Variants in SESN1 observed in about 807,000 individuals in gnomAD.
SESN1 encodes sestrin 1.
In SESN1, 30 loss-of-function variants were observed where a neutral mutation model predicts 59.3. The observed-to-expected ratio is 0.51, with a 90% CI of 0.38 to 0.69. SESN1 has a LOEUF of 0.69. Ranked by LOEUF, SESN1 falls within the 30% of genes least tolerant of loss-of-function variation. The pLI is 0.00. For synonymous variants in SESN1, 197 were observed against 219.9 expected (o/e 0.90, Z 0.92); for missense variants, 566 against 673.0 (o/e 0.84, Z 1.76).
At chr6:109,051,308 T>C (rs1269390059) in intron 1 of SESN1, among the ~76,000 whole-genome samples, 2 of 150,896 alleles carry the variant, frequency 1.3e-5, no homozygotes, top group East Asian at 3.9e-4. Context: ...AAAAATTATT[T>C]ACCAAACATT....
chr6:109,080,187 G>T (rs1208051446), intron 1 of SESN1, among the ~76,000 whole-genome samples: 1 of 152,100 alleles, frequency 6.6e-6, no homozygotes, highest in Non-Finnish European at 1.5e-5. Flanking sequence ...CACTGCAAAC[G>T]TTAGGGTCTA....
At chr6:109,004,761 C>T (rs2114321345) in intron 1 of SESN1, among the ~76,000 whole-genome samples, 1 of 152,172 alleles carries the variant, frequency 6.6e-6, no homozygotes, top group African/African-American at 2.4e-5. Flanking sequence ...GCAAACAACA[C>T]AGTTCAAGGA....
chr6:109,018,620 T>G (rs989717718), intron 1 of SESN1, among the ~76,000 whole-genome samples: 4 of 152,234 alleles, frequency 2.6e-5, no homozygotes, highest in Non-Finnish European at 5.9e-5. Context: ...GTGGATATTG[T>G]ACATTTTGGT....
intron 9 of SESN1, among the ~76,000 whole-genome samples, chr6:108,988,113 A>AT (rs2128526580): frequency 6.6e-6 from 1 of 152,224 alleles, no homozygotes; most frequent in East Asian, 1.9e-4. Flanking sequence ...TTTTGGATAG[A>AT]TTGAGCTTTC....
chr6:109,037,204 T>C (rs1243208472), intron 1 of SESN1, among the ~76,000 whole-genome samples: 1 of 152,214 alleles, frequency 6.6e-6, no homozygotes, highest in Non-Finnish European at 1.5e-5. Flanking sequence ...TGCAACAATA[T>C]TGCACTACTA....
At chr6:109,064,989 T>TG in intron 1 of SESN1, among the ~76,000 whole-genome samples, 1 of 152,240 alleles carries the variant, frequency 6.6e-6, no homozygotes, top group East Asian at 1.9e-4. Flanking sequence ...AATAGTACTG[T>TG]GTCCTCTTGT....
At chr6:109,078,125 A>C (rs895192563) in intron 1 of SESN1, among the ~76,000 whole-genome samples, 1 of 152,070 alleles carries the variant, frequency 6.6e-6, no homozygotes, top group Non-Finnish European at 1.5e-5. Context: ...TTGTATATTT[A>C]TTTCTTTTCC....
chr6:109,009,582 A>T, intron 1 of SESN1: 1 of 1,072,964 alleles, frequency 9.3e-7, no homozygotes, highest in Non-Finnish European at 1.1e-6. Flanking sequence ...GCCGACAAAC[A>T]AGCCGCGCGG....
In SESN1 at chr6:109,044,304, C is replaced by T. The variant is rs530797972; in HGVS notation, c.280-41961G>A. 1.6e-3 allele frequency among the ~76,000 whole-genome samples: 118 copies of T among 73,450 alleles called. 1 individual carries two copies. Among genetic ancestry groups the T allele is most frequent in the African/African-American group, 5.9e-3 (107 of 18,130 alleles). The allele number at this position is 73,450 out of a possible 152,430, so 48.2% of individuals were successfully genotyped here. A position where few individuals can be genotyped will look rare whatever the true frequency, so the allele number is the denominator to read the frequency against. On this transcript the variant is annotated intron_variant, in intron 1 of 9. Coordinates refer to ENST00000436639, the MANE Select transcript of SESN1 (RefSeq NM_014454.3). ...TCCAGCCTAGATGACACAGTGAGAA[C>T]TTGCCTCAAAAAAAAAAAAAAAAAA... is the stretch of plus-strand genomic sequence containing the variant.
chr6:109,057,285 A>T (rs540930834), intron 1 of SESN1, among the ~76,000 whole-genome samples: 9 of 152,336 alleles, frequency 5.9e-5, no homozygotes, highest in African/African-American at 2.2e-4. Context: ...GTTACACAAC[A>T]ATAGATGCCA....
rs1779227076 is a variant in SESN1, at chr6:108,987,407, A to G, written c.*137T>C. On this transcript the variant is annotated 3_prime_UTR_variant, in exon 10 of 10. Coordinates refer to ENST00000436639, the MANE Select transcript of SESN1 (RefSeq NM_014454.3). ...CAGCAGTGGTTTTCCACAGAAAAAT[A>G]GCAGAAACTAAAGGAATCATGGCAC... The G allele has an allele frequency of 7.4e-6, 4 of 543,254 alleles. No homozygotes were observed. The Admixed American group carries it at 9.9e-5, about 13-fold the overall frequency. 33.7% of individuals were successfully genotyped at this position (543,254 alleles called of 1,614,324 possible).
At chr6:109,043,837 T>C (rs1780378942) in intron 1 of SESN1, among the ~76,000 whole-genome samples, 1 of 152,134 alleles carries the variant, frequency 6.6e-6, no homozygotes, top group South Asian at 2.1e-4. Context: ...GTCAACAAAC[T>C]GATTCAAAAT....
At chr6:109,008,949 A>C in intron 1 of SESN1, 7 of 993,942 alleles carry the variant, frequency 7.0e-6, no homozygotes, top group Non-Finnish European at 8.4e-6. Context: ...TGTTTTCACA[A>C]GACAAGACAA....
intron 1 of SESN1, among the ~76,000 whole-genome samples, chr6:109,035,539 C>T (rs999174551): frequency 6.7e-5 from 10 of 150,134 alleles, no homozygotes; most frequent in African/African-American, 1.7e-4. Flanking sequence ...TGTGACTACC[C>T]GGCAGAGGGA....
At chr6:109,035,888 G>A (rs373610046) in intron 1 of SESN1, among the ~76,000 whole-genome samples, 2 of 152,132 alleles carry the variant, frequency 1.3e-5, no homozygotes, top group East Asian at 1.9e-4. Context: ...GATTACAGAC[G>A]TGACCACTGC....
chr6:109,009,444 G>A (rs1269990209), intron 1 of SESN1: 1 of 1,361,854 alleles, frequency 7.3e-7, no homozygotes, highest in South Asian at 1.7e-5. Context: ...CTCGTTCGCG[G>A]CGGCGGCCAA....
chr6:109,026,422 T>C (rs1249596267), intron 1 of SESN1, among the ~76,000 whole-genome samples: 1 of 152,218 alleles, frequency 6.6e-6, no homozygotes, highest in Non-Finnish European at 1.5e-5. Context: ...GTACGAATTC[T>C]GAATAGCTTT....
chr6:109,026,346 A>AG (rs1332186127), intron 1 of SESN1, among the ~76,000 whole-genome samples: 1 of 152,218 alleles, frequency 6.6e-6, no homozygotes, highest in Non-Finnish European at 1.5e-5. Context: ...ACAAAGAAAA[A>AG]GTTCTTTGTA....
intron 1 of SESN1, among the ~76,000 whole-genome samples, chr6:109,076,532 G>A (rs567063130): frequency 6.6e-6 from 1 of 152,072 alleles, no homozygotes; most frequent in Non-Finnish European, 1.5e-5. Flanking sequence ...ATGTAGTGAG[G>A]AGCTTTGACA....
Sources: allele counts gnomAD v4.1 joint callset (sites outside exome capture counted in the v4.1 genomes callset), GRCh38; gene constraint gnomAD v4.1.1; transcripts MANE v1.5; gene names NCBI Gene and HGNC (gene_info 2026-07-23, HGNC 2026-07-21).